DDHD1: variants seen among roughly 807,000 people sequenced by gnomAD.
DDHD1 encodes phospholipase DDHD1.
DDHD1 carries 49 observed loss-of-function variants against 96.4 expected under a neutral mutation model. The observed-to-expected ratio is 0.51, with a 90% CI of 0.40 to 0.64. The LOEUF (loss-of-function observed/expected upper bound fraction) is 0.64, where lower values mean the gene tolerates loss of function less well. Ranked by LOEUF, DDHD1 falls within the 30% of genes least tolerant of loss-of-function variation. DDHD1 has a pLI of 0.00. For missense variants in DDHD1, 1,106 were observed against 1,161.2 expected (o/e 0.95, Z 0.69); for synonymous variants, 442 against 446.5 (o/e 0.99, Z 0.13).
intron 6 of DDHD1, among the ~76,000 whole-genome samples, chr14:53,066,239 C>T (rs1883998531): frequency 6.6e-6 from 1 of 152,108 alleles, no homozygotes; most frequent in South Asian, 2.1e-4. Context: ...GCAACCTCTG[C>T]CTCCCAGGTT....
intron 4 of DDHD1, among the ~76,000 whole-genome samples, chr14:53,088,297 GA>G (rs1262450074): frequency 6.6e-6 from 1 of 152,128 alleles, no homozygotes; most frequent in Non-Finnish European, 1.5e-5. Context: ...GAAAAAGAGG[GA>G]ATCCTCCCTA....
chr14:53,152,113 G>GAGGAGAGCAGTGTAGAT, intron 1 of DDHD1, 148 bp downstream of exon 1: 1 of 833,742 alleles, frequency 1.2e-6, no homozygotes, highest in African/African-American at 1.7e-5. Context: ...AGCTGCCGAC[G>GAGGAGAGCAGTGTAGAT]CTCCCTGCTC....
At chr14:53,077,663 G>GTTTTT (rs752020104) in intron 4 of DDHD1, among the ~76,000 whole-genome samples, 1 of 56,728 alleles carries the variant, frequency 1.8e-5, no homozygotes, top group Non-Finnish European at 4.0e-5. Flanking sequence ...ATTAGTTTTT[G>GTTTTT]TTTTTGTTTT....
chr14:53,131,127 C>A lies in DDHD1; in HGVS notation c.838+21134G>T, dbSNP rs565084067. 3.3e-5 allele frequency among the ~76,000 whole-genome samples: 5 copies of A among 152,250 alleles called. No individual in the cohort carries two copies. In the East Asian group the frequency reaches 9.6e-4, roughly 29 times the overall value. On this transcript the variant is annotated intron_variant, in intron 1 of 12. Coordinates refer to ENST00000673822, the MANE Select transcript of DDHD1 (RefSeq NM_001160148.2). ...CTTTATGCACTCCTTTTTTAGTTACCCTCACCTGCCCAGTTCCCTTATTAG... is the reference window on the plus strand; with the variant it reads ...CTTTATGCACTCCTTTTTTAGTTACACTCACCTGCCCAGTTCCCTTATTAG...
intron 11 of DDHD1, 104 bp downstream of exon 11, chr14:53,054,334 G>A: frequency 1.0e-6 from 1 of 971,514 alleles, no homozygotes; most frequent in South Asian, 2.4e-5. Flanking sequence ...GCACACTTTA[G>A]ATCTTAGAGT....
chr14:53,042,148 A>G lies in DDHD1; in HGVS notation c.*4620T>C, dbSNP rs1261236951. On this transcript the variant is annotated 3_prime_UTR_variant, in exon 13 of 13. Coordinates refer to ENST00000673822, the MANE Select transcript of DDHD1 (RefSeq NM_001160148.2). ...GATAGCATTTCTCTAGGTAAATGCC[A>G]AATTAAAAAATATGGTTAAATAAAT... 6.6e-6 allele frequency: 1 copy of G among 152,218 alleles called. No individual in the cohort carries two copies. Among genetic ancestry groups the G allele is most frequent in the East Asian group, 1.9e-4 (1 of 5,194 alleles). 9.4% of individuals were successfully genotyped at this position (152,218 alleles called of 1,614,324 possible). A position where few individuals can be genotyped will look rare whatever the true frequency, so the allele number is the denominator to read the frequency against.
At chr14:53,090,641 G>C (rs748502323) in intron 4 of DDHD1, among the ~76,000 whole-genome samples, 3 of 152,096 alleles carry the variant, frequency 2.0e-5, no homozygotes, top group Non-Finnish European at 2.9e-5. Flanking sequence ...ACCAAACACC[G>C]TATGTTCTCA....
At chr14:53,085,198 AT>A in intron 4 of DDHD1, among the ~76,000 whole-genome samples, 1 of 152,232 alleles carries the variant, frequency 6.6e-6, no homozygotes, top group Non-Finnish European at 1.5e-5. Flanking sequence ...GGGGCAGGGC[AT>A]AGCTGAACAA....
At chr14:53,068,243 CTTTTTT>C (rs55662153) in intron 6 of DDHD1, among the ~76,000 whole-genome samples, 3 of 104,478 alleles carry the variant, frequency 2.9e-5, no homozygotes, top group African/African-American at 3.9e-5. Context: ...CTTTATGATA[CTTTTTT>C]TTTTTTTTTT....
At chr14:53,103,919 A>G in intron 1 of DDHD1, 63 bp from the exon 2 acceptor site, 1 of 1,439,250 alleles carries the variant, frequency 6.9e-7, no homozygotes, top group Non-Finnish European at 9.2e-7. Flanking sequence ...AAAGAGACAC[A>G]GTATCTACAA....
chr14:53,058,289 A>T (rs939769309), intron 9 of DDHD1, among the ~76,000 whole-genome samples, 188 bp downstream of exon 9: 1 of 151,294 alleles, frequency 6.6e-6, no homozygotes, highest in African/African-American at 2.4e-5. Flanking sequence ...TAATTTTTGT[A>T]TTTTTAGTAG....
At chr14:53,101,601 C>CA (rs1274422495) in intron 2 of DDHD1, among the ~76,000 whole-genome samples, 1 of 151,852 alleles carries the variant, frequency 6.6e-6, no homozygotes, top group African/African-American at 2.4e-5. Flanking sequence ...ATAAAGATAA[C>CA]AAAAAATATT....
intron 2 of DDHD1, among the ~76,000 whole-genome samples, chr14:53,102,404 G>A (rs1445838619): frequency 6.6e-6 from 1 of 152,004 alleles, no homozygotes; most frequent in Non-Finnish European, 1.5e-5. Context: ...AAATTTTACA[G>A]TGAAATAAGG....
In DDHD1 at chr14:53,103,142, A is replaced by G. The variant is rs554390426; in HGVS notation, c.1012+541T>C. Reference sequence around the variant, plus strand: ...TTAGACACACAATGAAAATGTGGCAATCTTAGCTACTATACAGTATTTTGA... The same window carrying G: ...TTAGACACACAATGAAAATGTGGCAGTCTTAGCTACTATACAGTATTTTGA... On this transcript the variant is annotated intron_variant, in intron 2 of 12. Coordinates refer to ENST00000673822, the MANE Select transcript of DDHD1 (RefSeq NM_001160148.2). 3.7e-4 allele frequency: 482 copies of G among 1,307,730 alleles called. No individual in the cohort carries two copies. In the Middle Eastern group the frequency reaches 5.0e-3, roughly 14 times the overall value. The allele number at this position is 1,307,730 out of a possible 1,614,324, so 81.0% of individuals were successfully genotyped here. A position where few individuals can be genotyped will look rare whatever the true frequency, so the allele number is the denominator to read the frequency against.
chr14:53,147,378 G>A (rs1442576758), intron 1 of DDHD1, among the ~76,000 whole-genome samples: 2 of 152,204 alleles, frequency 1.3e-5, no homozygotes, highest in Non-Finnish European at 2.9e-5. Flanking sequence ...GTGGTTGACA[G>A]GGGTAAGAAA....
At chr14:53,113,356 T>C (rs1302506016) in intron 1 of DDHD1, among the ~76,000 whole-genome samples, 1 of 148,404 alleles carries the variant, frequency 6.7e-6, no homozygotes, top group East Asian at 2.0e-4. Flanking sequence ...TTTCTTTTTT[T>C]TTTCTTTTTA....
In DDHD1 at chr14:53,130,433, G is replaced by A. The variant is rs557936514; in HGVS notation, c.838+21828C>T. 2.6e-5 allele frequency among the ~76,000 whole-genome samples: 4 copies of A among 152,252 alleles called. No individual in the cohort carries two copies. The East Asian group carries it at 5.8e-4, about 22-fold the overall frequency. On this transcript the variant is annotated intron_variant, in intron 1 of 12. Transcript: ENST00000673822. ...GACGTTTTACCACCCTAGACCCAGA[G>A]GGGCCAGAAGTCCGTCTTATTCTCA...
rs143084549 is a variant in DDHD1, at chr14:53,101,795, G to T, written c.1012+1888C>A. ...ACATTTAGCATTTAGGCAGGAAGCA[G>T]AAGTAAAAAGTACATATTAAATTCT... is the stretch of plus-strand genomic sequence containing the variant. On this transcript the variant is annotated intron_variant, in intron 2 of 12. Transcript: ENST00000673822. Among the ~76,000 whole-genome samples, 207 of 151,962 alleles carry T rather than the reference G, an allele frequency of 1.4e-3. 1 individual carries two copies. The highest frequency in any genetic ancestry group is 4.6e-3 in the African/African-American group (191 of 41,468).
chr14:53,085,572 AAAAC>A (rs762683167), intron 4 of DDHD1, among the ~76,000 whole-genome samples: 27 of 152,204 alleles, frequency 1.8e-4, no homozygotes, highest in African/African-American at 1.7e-4. Context: ...TGTTAGAAGG[AAAAC>A]AAACAAACAG....
Sources: allele counts gnomAD v4.1 joint callset (sites outside exome capture counted in the v4.1 genomes callset), GRCh38; gene constraint gnomAD v4.1.1; transcripts MANE v1.5; gene names NCBI Gene and HGNC (gene_info 2026-07-23, HGNC 2026-07-21).